Variants in CCDC146 observed in about 807,000 individuals in gnomAD.
The protein encoded by CCDC146 is coiled-coil domain-containing protein 146.
Under a neutral mutation model 119.3 loss-of-function variants are expected in CCDC146, and 92 were observed. The observed-to-expected ratio is 0.77, with a 90% confidence interval of 0.65 to 0.92. CCDC146 has a LOEUF of 0.92. CCDC146 is among the 40% of genes least tolerant of loss of function. CCDC146 has a pLI of 0.00. For synonymous variants in CCDC146, 372 were observed against 371.8 expected, an observed-to-expected ratio of 1.00 and a Z score of -0.01; for missense variants, 1,000 against 1,103.0, an observed-to-expected ratio of 0.91 and a Z score of 1.32.
chr7:77,287,484 G>A lies in CCDC146; in HGVS notation c.2322G>A (p.Lys774=), dbSNP rs1165659129. The change falls in exon 17 of 19, where the codon AAG becomes AAA. Residue 774 remains lysine (K), a synonymous_variant. Transcript: ENST00000285871. ...LAKKEEKLLE[K]DFIYEQVSRL... is the part of the protein sequence containing the mutation. ...AGAAGGAGGAGAAGCTGCTGGAGAA[G>A]GATTTCATCTATGAGCAGGTCTCCA... 6.2e-7 allele frequency: 1 copy of A among 1,614,118 alleles called. No individual in the cohort carries two copies.
intron 9 of CCDC146, among the ~76,000 whole-genome samples, chr7:77,266,371 T>G (rs1392125355): frequency 2.0e-5 from 3 of 152,198 alleles, no homozygotes; most frequent in Non-Finnish European, 1.5e-5. Flanking sequence ...CATACTATAC[T>G]GAGAAGAGCT....
intron 2 of CCDC146, among the ~76,000 whole-genome samples, chr7:77,222,257 G>A (rs566299509): frequency 6.6e-6 from 1 of 152,326 alleles, no homozygotes; most frequent in South Asian, 2.1e-4. Flanking sequence ...GAGTAGCCGT[G>A]AAAGGCTTCA....
Position 77,263,115 on chromosome 7 carries a change from G to C in CCDC146, c.1173+808G>C, listed in dbSNP as rs138291301. On this transcript the variant is annotated intron_variant, in intron 9 of 18. Transcript: ENST00000285871. Reference sequence around the variant, plus strand: ...TAAGAAATTTGAACAGGAGTTTCCAGCTGTGGTAGACACCTCTGATCCTAA... The same window carrying C: ...TAAGAAATTTGAACAGGAGTTTCCACCTGTGGTAGACACCTCTGATCCTAA... Among the ~76,000 whole-genome samples the C allele has an allele frequency of 2.2e-3, 332 of 152,296 alleles. 1 individual carries two copies. Among genetic ancestry groups the C allele is most frequent in the African/African-American group, 7.1e-3 (297 of 41,548 alleles).
intron 1 of CCDC146, among the ~76,000 whole-genome samples, chr7:77,125,401 A>C (rs1218428145): frequency 6.6e-6 from 1 of 151,760 alleles, no homozygotes; most frequent in African/African-American, 2.4e-5. Context: ...TACTTTACAG[A>C]AACAATTCCA....
At chr7:77,164,122 C>T (rs1320839787) in intron 1 of CCDC146, among the ~76,000 whole-genome samples, 1 of 152,030 alleles carries the variant, frequency 6.6e-6, no homozygotes, top group East Asian at 1.9e-4. Flanking sequence ...CTCCGTCTCC[C>T]AAAGTGCTGA....
chr7:77,253,522 C>T (rs749534517), intron 4 of CCDC146, among the ~76,000 whole-genome samples: 1 of 152,194 alleles, frequency 6.6e-6, no homozygotes, highest in Non-Finnish European at 1.5e-5. Context: ...TCAGCACATA[C>T]ATTATTTTAA....
chr7:77,190,530 C>G (rs1584055303), intron 2 of CCDC146, among the ~76,000 whole-genome samples: 1 of 152,196 alleles, frequency 6.6e-6, no homozygotes, highest in South Asian at 2.1e-4. Context: ...AGTGTTCCCC[C>G]AGGAAAGAAA....
rs187057485 is a variant in CCDC146 at position 77,274,482 on chromosome 7, A to G, written c.1270A>G (p.Lys424Glu). 3 of 1,531,834 alleles carry G rather than the reference A, an allele frequency of 2.0e-6. No homozygotes were observed. Among genetic ancestry groups the G allele is most frequent in the South Asian group, 2.5e-5 (2 of 80,436 alleles). The allele number at this position is 1,531,834 out of a possible 1,614,324, so 94.9% of individuals were successfully genotyped here. Residue 424 changes from lysine (K) to glutamate (E), a missense_variant and splice_region_variant, in exon 11 of 19, where the codon AAA becomes GAA. Coordinates refer to ENST00000285871, the MANE Select transcript of CCDC146 (RefSeq NM_020879.3). Reference sequence around the variant, plus strand: ...TATTATCTGTGTTTTTTTTCAAAAGAAAATTATATCAGAAATGGAGTCTAA... The same window carrying G: ...TATTATCTGTGTTTTTTTTCAAAAGGAAATTATATCAGAAATGGAGTCTAA... ...EVAKRNLAQQKIISEMESKLV... is the reference protein window; with the variant it reads ...EVAKRNLAQQEIISEMESKLV...
chr7:77,185,169 T>C (rs1266148833), intron 2 of CCDC146, among the ~76,000 whole-genome samples: 1 of 152,066 alleles, frequency 6.6e-6, no homozygotes, highest in African/African-American at 2.4e-5. Flanking sequence ...AGAGATGACA[T>C]TGGAAATGCT....
chr7:77,287,064 A>G, intron 16 of CCDC146, 138 bp downstream of exon 16: 1 of 936,292 alleles, frequency 1.1e-6, no homozygotes, highest in Non-Finnish European at 1.6e-6. Context: ...TTTTGTTGTA[A>G]TCTAGTCATA....
intron 11 of CCDC146, among the ~76,000 whole-genome samples, chr7:77,275,648 A>G (rs542826172): frequency 5.9e-5 from 9 of 152,216 alleles, no homozygotes; most frequent in Non-Finnish European, 1.3e-4. Context: ...GTCCCTCCCA[A>G]CTTCATCAAG....
intron 4 of CCDC146, among the ~76,000 whole-genome samples, chr7:77,248,318 G>T (rs1228859340): frequency 1.3e-5 from 2 of 152,130 alleles, no homozygotes; most frequent in Non-Finnish European, 2.9e-5. Flanking sequence ...GACTTAATGG[G>T]TATACATGTA....
chr7:77,173,128 A>G (rs1791448496), intron 2 of CCDC146, among the ~76,000 whole-genome samples: 1 of 152,168 alleles, frequency 6.6e-6, no homozygotes, highest in East Asian at 1.9e-4. Flanking sequence ...GGACAGGTCA[A>G]TAGGTGCAGC....
At position 77,236,981 on chromosome 7, in the gene CCDC146, TG is replaced by T. The variant is rs996509119; in HGVS notation, c.193del (p.Ala65GlnfsTer3). On this transcript the variant is annotated frameshift_variant, in exon 3 of 19. Transcript: ENST00000285871. LOFTEE classifies it high-confidence loss of function. ...ATGGGAAAACTTCCTGGAACCAGAA[TG>T]GCAGCGTTAAAAGCCAAGTATACCT... Reference protein sequence around the residue: ...HAMGKLPGTRMAALKAKYTLL... With the variant: ...HAMGKLPGTRXAALKAKYTLL... 26 of 1,614,154 alleles carry T rather than the reference TG, an allele frequency of 1.6e-5. No individual in the cohort carries two copies. The highest frequency in any genetic ancestry group is 2.1e-5 in the Non-Finnish European group (25 of 1,179,982).
At chr7:77,207,319 A>C (rs1305726202) in intron 2 of CCDC146, among the ~76,000 whole-genome samples, 1 of 152,160 alleles carries the variant, frequency 6.6e-6, no homozygotes, top group Non-Finnish European at 1.5e-5. Flanking sequence ...AAAACTTTTC[A>C]GGGTGGAAAA....
chr7:77,283,944 T>A (rs1032788466), intron 15 of CCDC146, among the ~76,000 whole-genome samples: 2 of 152,182 alleles, frequency 1.3e-5, no homozygotes, highest in Non-Finnish European at 2.9e-5. Context: ...CTTCAGTAAG[T>A]GTAGTCAGAT....
At chr7:77,169,787 T>G (rs1158898276) in intron 2 of CCDC146, among the ~76,000 whole-genome samples, 1 of 152,148 alleles carries the variant, frequency 6.6e-6, no homozygotes, top group Non-Finnish European at 1.5e-5. Flanking sequence ...TTGTATTTTT[T>G]TTGCTCCAGC....
intron 2 of CCDC146, among the ~76,000 whole-genome samples, chr7:77,192,584 A>G (rs954885714): frequency 1.5e-4 from 23 of 152,360 alleles, no homozygotes; most frequent in African/African-American, 5.3e-4. Context: ...AGTGGTAAAA[A>G]TCATTTCATG....
chr7:77,165,390 A>G (rs984486344), intron 1 of CCDC146, among the ~76,000 whole-genome samples: 1 of 152,082 alleles, frequency 6.6e-6, no homozygotes, highest in Non-Finnish European at 1.5e-5. Flanking sequence ...ACAATTGAAC[A>G]TTCACATGAG....
Sources: gnomAD v4.1 joint callset for allele counts (sites outside exome capture counted in the v4.1 genomes callset) on GRCh38, gnomAD v4.1.1 for gene constraint, MANE v1.5 for transcripts, NCBI Gene and HGNC (gene_info 2026-07-23, HGNC 2026-07-21) for gene names.